The following SLC5A3 variants were observed in gnomAD, a reference collection of about 807,000 sequenced individuals.
SLC5A3 encodes the protein sodium/myo-inositol cotransporter.
A neutral mutation model predicts 43.2 loss-of-function variants in SLC5A3; 10 were observed. That is an observed-to-expected ratio of 0.23 (90% CI 0.14 to 0.39). SLC5A3 has a LOEUF of 0.39. Ranked by LOEUF, SLC5A3 falls within the 10% of genes least tolerant of loss-of-function variation. The pLI, the probability that SLC5A3 is intolerant of heterozygous loss-of-function variation, is 1.00. For synonymous variants in SLC5A3, 349 were observed against 322.0 expected (o/e 1.08, Z -0.90); for missense variants, 608 against 893.4 (o/e 0.68, Z 4.07).
intron 1 of SLC5A3, among the ~76,000 whole-genome samples, chr21:34,089,476 G>A (rs1315766465): frequency 5.3e-5 from 8 of 151,882 alleles, no homozygotes; most frequent in African/African-American, 1.9e-4. Context: ...TTATTTCTCT[G>A]AGATTTCTAT....
At chr21:34,094,023 C>G (rs1050743720) in intron 1 of SLC5A3, among the ~76,000 whole-genome samples, 1 of 152,180 alleles carries the variant, frequency 6.6e-6, no homozygotes, top group African/African-American at 2.4e-5. Flanking sequence ...AACATAAAAT[C>G]ACGCCTTTAG....
rs1978976579 is a variant in SLC5A3, at chr21:34,096,648, C to T, written c.1450C>T (p.Arg484Cys). Residue 484 changes from arginine to cysteine, a missense_variant, in exon 2 of 2, where the codon CGT (arginine) becomes TGT (cysteine). Arg to Cys is a radical substitution (Grantham distance 180, BLOSUM62 -3). Coordinates refer to ENST00000381151, the MANE Select transcript of SLC5A3 (RefSeq NM_006933.7). The surrounding 1 kb of genome is among the most constrained non-coding windows in gnomAD (Gnocchi z 5.9). Reference sequence around the variant, plus strand: ...GGCTGGCTTTGTTCTTGGAGCAGTCCGTTTGATACTGGCCTTTGCCTACCG... The same window carrying T: ...GGCTGGCTTTGTTCTTGGAGCAGTCTGTTTGATACTGGCCTTTGCCTACCG... ...GMAGFVLGAV[R>C]LILAFAYRAP... The T allele has an allele frequency of 1.2e-6, 2 of 1,613,960 alleles. No homozygotes were observed. The highest frequency in any genetic ancestry group is 8.5e-7 in the Non-Finnish European group (1 of 1,180,006).
In SLC5A3 at chr21:34,104,514, T is replaced by C; in HGVS notation, c.*7159T>C. On this transcript the variant is annotated 3_prime_UTR_variant, in exon 2 of 2. Coordinates refer to ENST00000381151, the MANE Select transcript of SLC5A3 (RefSeq NM_006933.7). The stretch of plus-strand genomic sequence containing the variant: ...CTACTCTTTTATATAATTATCCTTT[T>C]AGGGAAAGACTTGGTCAACTCTAAT... 2.0e-6 allele frequency: 2 copies of C among 998,242 alleles called. No homozygotes were observed. Among genetic ancestry groups the C allele is most frequent in the Non-Finnish European group, 1.2e-6 (1 of 828,178 alleles). 61.8% of individuals were successfully genotyped at this position (998,242 alleles called of 1,614,324 possible).
chr21:34,089,899 A>G (rs1978596088), intron 1 of SLC5A3, among the ~76,000 whole-genome samples: 1 of 152,226 alleles, frequency 6.6e-6, no homozygotes, highest in Admixed American at 6.5e-5. Context: ...TATTTTAGGG[A>G]TGGTTAAAAC....
intron 1 of SLC5A3, among the ~76,000 whole-genome samples, chr21:34,092,185 T>C (rs1447598951): frequency 6.6e-6 from 1 of 152,160 alleles, no homozygotes; most frequent in Non-Finnish European, 1.5e-5. Flanking sequence ...GTAGTTTATC[T>C]CTTGAAAGAC....
chr21:34,099,430 C>T lies in SLC5A3; in HGVS notation c.*2075C>T. On this transcript the variant is annotated 3_prime_UTR_variant, in exon 2 of 2. Coordinates refer to ENST00000381151, the MANE Select transcript of SLC5A3 (RefSeq NM_006933.7). ...AGGAACTGTTCTTCCTTTGGGACAA[C>T]CTTTTGGTGTTTGGGAAAGTAATAA... is the stretch of plus-strand genomic sequence containing the variant. 1.0e-6 allele frequency: 1 copy of T among 1,000,012 alleles called. No individual in the cohort carries two copies. The highest frequency in any genetic ancestry group is 1.2e-6 in the Non-Finnish European group (1 of 829,868). 61.9% of individuals were successfully genotyped at this position (1,000,012 alleles called of 1,614,324 possible).
At position 34,100,752 on chromosome 21, in the gene SLC5A3, G is replaced by A. The variant is rs935933729; in HGVS notation, c.*3397G>A. 1.0e-5 allele frequency: 10 copies of A among 999,874 alleles called. No homozygotes were observed. The highest frequency in any genetic ancestry group is 7.0e-5 in the African/African-American group (4 of 57,198). 61.9% of individuals were successfully genotyped at this position (999,874 alleles called of 1,614,324 possible). ...GAGCCAATAGAGTGTGTCTGTATTCGCAGTCCATGGCTCATTTTCTTTATA... is the reference window on the plus strand; with the variant it reads ...GAGCCAATAGAGTGTGTCTGTATTCACAGTCCATGGCTCATTTTCTTTATA... On this transcript the variant is annotated 3_prime_UTR_variant, in exon 2 of 2. Transcript: ENST00000381151.
rs1480952110 is a variant in SLC5A3, at chr21:34,104,685, C to T, written c.*7330C>T. 5.0e-6 allele frequency: 5 copies of T among 1,000,086 alleles called. No individual in the cohort carries two copies. The highest frequency in any genetic ancestry group is 6.0e-6 in the Non-Finnish European group (5 of 829,996). The allele number at this position is 1,000,086 out of a possible 1,614,324, so 62.0% of individuals were successfully genotyped here. A position where few individuals can be genotyped will look rare whatever the true frequency, so the allele number is the denominator to read the frequency against. On this transcript the variant is annotated 3_prime_UTR_variant, in exon 2 of 2. Coordinates refer to ENST00000381151, the MANE Select transcript of SLC5A3 (RefSeq NM_006933.7). ...ACCACATTATTTGAGAATATCAAAC[C>T]TCAGGCCTGGGGGGATGAGGGGAAG...
rs932035080 is a variant in SLC5A3 at position 34,098,232 on chromosome 21, A to C, written c.*877A>C. 1.0e-6 allele frequency: 1 copy of C among 999,456 alleles called. No homozygotes were observed. 61.9% of individuals were successfully genotyped at this position (999,456 alleles called of 1,614,324 possible). On this transcript the variant is annotated 3_prime_UTR_variant, in exon 2 of 2. Transcript: ENST00000381151. ...TTATGCTAATCAGATGATTACTCAT[A>C]TATTCTGCTAATTTTCTAGCTTTAT...
At chr21:34,093,311 TTAAATCACTTTTCATAGCATAATTATTG>T (rs1439809095) in intron 1 of SLC5A3, among the ~76,000 whole-genome samples, 2 of 151,840 alleles carry the variant, frequency 1.3e-5, no homozygotes, top group African/African-American at 4.8e-5. Context: ...TAGAAAGGAT[TTAAATCACTTTTCATAGCATAATTATTG>T]TATTGCTTAA....
rs754822342 is a variant in SLC5A3 at position 34,095,753 on chromosome 21, C to T, written c.555C>T (p.Asp185=). The T allele has an allele frequency of 6.2e-7, 1 of 1,614,044 alleles. No individual in the cohort carries two copies. Among genetic ancestry groups the T allele is most frequent in the South Asian group, 1.1e-5 (1 of 91,074 alleles). Reference sequence around the variant, plus strand: ...GCCTTGTTGCAGTGATCTACACAGACACTCTGCAGGCTCTGCTCATGATCA... The same window carrying T: ...GCCTTGTTGCAGTGATCTACACAGATACTCTGCAGGCTCTGCTCATGATCA... ...TGGLVAVIYT[D]TLQALLMIIG... The change falls in exon 2 of 2, where the codon GAC becomes GAT. Residue 185 remains aspartate, a synonymous_variant. Coordinates refer to ENST00000381151, the MANE Select transcript of SLC5A3 (RefSeq NM_006933.7).
At chr21:34,083,169 T>A (rs1346212715) in intron 1 of SLC5A3, among the ~76,000 whole-genome samples, 3 of 152,208 alleles carry the variant, frequency 2.0e-5, no homozygotes, top group Non-Finnish European at 2.9e-5. Flanking sequence ...CAAGTGCAGT[T>A]ATGGTAGCCG....
chr21:34,074,475 A>G (rs753500010), intron 1 of SLC5A3, among the ~76,000 whole-genome samples: 1 of 151,904 alleles, frequency 6.6e-6, no homozygotes, highest in Non-Finnish European at 1.5e-5. Flanking sequence ...ATTGATCTTG[A>G]GGTAGGGGAT....
chr21:34,088,573 C>CT (rs1602917995), intron 1 of SLC5A3, among the ~76,000 whole-genome samples: 1 of 152,182 alleles, frequency 6.6e-6, no homozygotes, highest in East Asian at 1.9e-4. Context: ...CACGCATGAT[C>CT]TTTTATCAAT....
chr21:34,100,899 G>A lies in SLC5A3; in HGVS notation c.*3544G>A, dbSNP rs1270604500. On this transcript the variant is annotated 3_prime_UTR_variant, in exon 2 of 2. Coordinates refer to ENST00000381151, the MANE Select transcript of SLC5A3 (RefSeq NM_006933.7). ...CTACTCAGTTACTTGCTACTCAAAGGTTAGGTCTTCCCTGTTCCTGCTTGG... is the reference window on the plus strand; with the variant it reads ...CTACTCAGTTACTTGCTACTCAAAGATTAGGTCTTCCCTGTTCCTGCTTGG... The A allele has an allele frequency of 3.0e-6, 3 of 1,000,014 alleles. No homozygotes were observed. Among genetic ancestry groups the A allele is most frequent in the Non-Finnish European group, 2.4e-6 (2 of 829,950 alleles). 61.9% of individuals were successfully genotyped at this position (1,000,014 alleles called of 1,614,324 possible).
In SLC5A3 at chr21:34,104,254, A is replaced by G; in HGVS notation, c.*6899A>G. 1 of 1,000,074 alleles carries G rather than the reference A, an allele frequency of 1.0e-6. No individual in the cohort carries two copies. Among genetic ancestry groups the G allele is most frequent in the Non-Finnish European group, 1.2e-6 (1 of 829,902 alleles). 62.0% of individuals were successfully genotyped at this position (1,000,074 alleles called of 1,614,324 possible). A position where few individuals can be genotyped will look rare whatever the true frequency, so the allele number is the denominator to read the frequency against. ...CTTTGCTTTTCACAATGGGGTGGAG[A>G]GGATTCTTTCACTTGTCCCATTAAC... is the stretch of plus-strand genomic sequence containing the variant. On this transcript the variant is annotated 3_prime_UTR_variant, in exon 2 of 2. Coordinates refer to ENST00000381151, the MANE Select transcript of SLC5A3 (RefSeq NM_006933.7).
chr21:34,098,848 G>A lies in SLC5A3; in HGVS notation c.*1493G>A. The A allele has an allele frequency of 1.0e-6, 1 of 999,502 alleles. No individual in the cohort carries two copies. The allele number at this position is 999,502 out of a possible 1,614,324, so 61.9% of individuals were successfully genotyped here. On this transcript the variant is annotated 3_prime_UTR_variant, in exon 2 of 2. Coordinates refer to ENST00000381151, the MANE Select transcript of SLC5A3 (RefSeq NM_006933.7). ...CTCAACACTGTCCTTTGTCCTCCATGAAAGATGAAGGAAGCAAATTATGTA... is the reference window on the plus strand; with the variant it reads ...CTCAACACTGTCCTTTGTCCTCCATAAAAGATGAAGGAAGCAAATTATGTA...
intron 1 of SLC5A3, among the ~76,000 whole-genome samples, chr21:34,092,518 G>T (rs73363308): frequency 3.3e-5 from 5 of 152,142 alleles, no homozygotes; most frequent in African/African-American, 4.8e-5. Flanking sequence ...TGGGCAGAGC[G>T]ACTTTACTAG....
chr21:34,102,080 G>T lies in SLC5A3; in HGVS notation c.*4725G>T. On this transcript the variant is annotated 3_prime_UTR_variant, in exon 2 of 2. Transcript: ENST00000381151. Reference sequence around the variant, plus strand: ...GGTAATCTTTCGATTGCTAGACTTGGTTAACTTAGGGCTGCAAATCTTTTT... The same window carrying T: ...GGTAATCTTTCGATTGCTAGACTTGTTTAACTTAGGGCTGCAAATCTTTTT... 1 of 1,000,044 alleles carries T rather than the reference G, an allele frequency of 1.0e-6. No homozygotes were observed. The highest frequency in any genetic ancestry group is 1.2e-6 in the Non-Finnish European group (1 of 829,822). The allele number at this position is 1,000,044 out of a possible 1,614,324, so 61.9% of individuals were successfully genotyped here.
Sources: allele counts gnomAD v4.1 joint callset (sites outside exome capture counted in the v4.1 genomes callset), GRCh38; gene constraint gnomAD v4.1.1; non-coding constraint Gnocchi (gnomAD v3.1); transcripts MANE v1.5; gene names NCBI Gene and HGNC (gene_info 2026-07-23, HGNC 2026-07-21).